The following ATP7A variants were observed in gnomAD, a reference collection of about 807,000 sequenced individuals.
The protein encoded by ATP7A is ATPase copper transporting alpha, also known as copper-transporting ATPase 1.
Under a neutral mutation model 83.5 loss-of-function variants are expected in ATP7A, and 7 were observed. The observed-to-expected ratio is 0.08, with a 90% CI of 0.05 to 0.16. ATP7A has a LOEUF of 0.16. ATP7A is among the 10% of genes least tolerant of loss of function. The pLI, the probability that ATP7A is intolerant of heterozygous loss-of-function variation, is 1.00. For missense variants in ATP7A, 940 were observed against 1,120.8 expected (o/e 0.84, Z 2.30); for synonymous variants, 354 against 395.2 (o/e 0.90, Z 1.24).
At chrX:77,943,110 C>T (rs2077360527) in intron 1 of ATP7A, among the ~76,000 whole-genome samples, 1 of 112,230 alleles carries the variant, frequency 8.9e-6, no homozygotes, top group Non-Finnish European at 1.9e-5. Flanking sequence ...AGTCAATGTG[C>T]CCTGCCTTTC....
At chrX:78,040,478 C>T (rs2078040476) in intron 18 of ATP7A, 113 bp from the exon 19 acceptor site, 1 of 963,686 alleles carries the variant, frequency 1.0e-6, no homozygotes, top group Non-Finnish European at 1.5e-6. Flanking sequence ...TTAAGCCATG[C>T]CCTGAACAAC....
chrX:78,011,304 AT>A (rs782001939), intron 8 of ATP7A, 52 bp downstream of exon 8: 299 of 1,116,215 alleles, frequency 2.7e-4, no homozygotes, highest in Non-Finnish European at 3.1e-4. Flanking sequence ...CTTATTACAA[AT>A]TTTTTTTTGC....
intron 1 of ATP7A, chrX:77,965,494 A>G (rs782340772): frequency 3.3e-6 from 1 of 299,173 alleles, no homozygotes; most frequent in East Asian, 1.1e-4. Context: ...TAGGATGGGT[A>G]GAATAAAAAA....
At chrX:78,028,798 T>C (rs2149104633) in intron 14 of ATP7A, among the ~76,000 whole-genome samples, 1 of 112,741 alleles carries the variant, frequency 8.9e-6, no homozygotes, top group African/African-American at 3.2e-5. Context: ...CATTGTTATG[T>C]CCAAAAGGAT....
chrX:78,013,093 G>T lies in ATP7A; in HGVS notation c.2387G>T (p.Trp796Leu). 8.3e-7 allele frequency: 1 copy of T among 1,206,831 alleles called. No homozygotes were observed. ...MLFVFIALGR[W>L]LEHIAKGKTS... ...TTTGTGTTTATTGCACTAGGCCGAT[G>T]GCTGGAACATATAGCAAAGGTAAAG... is the stretch of plus-strand genomic sequence containing the variant. The change falls in exon 10 of 23, where the codon TGG becomes TTG. Residue 796 changes from tryptophan (W) to leucine (L), a missense_variant. This residue lies in a region of ATP7A where 204 missense variants were observed against 185.8 expected (regional missense o/e 1.10). Transcript: ENST00000341514.
chrX:78,007,855 C>T (rs1298228574), intron 6 of ATP7A, among the ~76,000 whole-genome samples: 1 of 112,038 alleles, frequency 8.9e-6, no homozygotes, highest in East Asian at 2.8e-4. Context: ...TTGATACAGG[C>T]ATGCAATGAG....
At chrX:78,022,957 T>C (rs1412409980) in intron 14 of ATP7A, among the ~76,000 whole-genome samples, 2 of 111,619 alleles carry the variant, frequency 1.8e-5, no homozygotes, top group African/African-American at 6.5e-5. Context: ...TTCTCACCTT[T>C]TGGAGGCCCC....
chrX:78,021,587 T>A (rs932804871), intron 14 of ATP7A, among the ~76,000 whole-genome samples: 1 of 112,025 alleles, frequency 8.9e-6, no homozygotes, highest in Non-Finnish European at 1.9e-5. Flanking sequence ...TGTCTACTCA[T>A]CTAGTTCTCT....
intron 1 of ATP7A, chrX:77,964,535 A>G (rs782548419): frequency 1.8e-5 from 2 of 110,685 alleles, no homozygotes; most frequent in East Asian, 5.7e-4. Flanking sequence ...CATCACCTAC[A>G]TTAGGTATTT....
At chrX:77,956,783 CTTTCT>C (rs1433930798) in intron 1 of ATP7A, among the ~76,000 whole-genome samples, 15 of 94,590 alleles carry the variant, frequency 1.6e-4, no homozygotes, top group African/African-American at 5.8e-4. Context: ...TTCTTTCTTT[CTTTCT>C]CTTTCTTTCT....
intron 1 of ATP7A, among the ~76,000 whole-genome samples, chrX:77,947,951 G>T (rs1370956265): frequency 9.5e-6 from 1 of 105,311 alleles, no homozygotes; most frequent in Non-Finnish European, 1.9e-5. Context: ...ATGTTAGCCA[G>T]GCTGGTTTGG....
At chrX:77,991,220 T>G (rs1229573610) in intron 4 of ATP7A, among the ~76,000 whole-genome samples, 1 of 111,388 alleles carries the variant, frequency 9.0e-6, no homozygotes, top group African/African-American at 3.3e-5. Context: ...TCATTGCCCA[T>G]TTCTCCTTCC....
chrX:78,012,748 T>C, intron 9 of ATP7A, 131 bp from the exon 10 acceptor site: 2 of 571,306 alleles, frequency 3.5e-6, no homozygotes, highest in Non-Finnish European at 5.9e-6. Flanking sequence ...TGTTTTGGCT[T>C]AATCTCCCTT....
At chrX:78,022,471 C>T in intron 14 of ATP7A, among the ~76,000 whole-genome samples, 1 of 102,604 alleles carries the variant, frequency 9.7e-6, no homozygotes, top group Non-Finnish European at 2.0e-5. Context: ...ATTTTTTATT[C>T]AGGAGGTACA....
chrX:77,976,186 A>G (rs1557230269), intron 2 of ATP7A, among the ~76,000 whole-genome samples: 1 of 112,278 alleles, frequency 8.9e-6, no homozygotes, highest in African/African-American at 3.2e-5. Context: ...ATTCAAAATT[A>G]GGGACAAGAT....
At chrX:77,934,373 A>T (rs2077308014) in intron 1 of ATP7A, among the ~76,000 whole-genome samples, 1 of 111,628 alleles carries the variant, frequency 9.0e-6, no homozygotes, top group Admixed American at 9.5e-5. Flanking sequence ...AGCTATGTTA[A>T]CACCACTGTA....
chrX:78,010,781 G>A (rs781944548), intron 7 of ATP7A, among the ~76,000 whole-genome samples: 44 of 108,263 alleles, frequency 4.1e-4, no homozygotes, highest in African/African-American at 1.3e-3. Flanking sequence ...GGGTTTCACC[G>A]TGTTGGCCAT....
intron 6 of ATP7A, among the ~76,000 whole-genome samples, chrX:78,004,753 T>C (rs187919504): frequency 3.6e-3 from 399 of 110,767 alleles, no homozygotes; most frequent in African/African-American, 0.012. Context: ...TGTGGTGGCA[T>C]GCGCCTGTAA....
At chrX:77,944,665 A>G (rs1557225986) in intron 1 of ATP7A, among the ~76,000 whole-genome samples, 1 of 108,357 alleles carries the variant, frequency 9.2e-6, no homozygotes, top group Admixed American at 1.0e-4. Context: ...TTGAATGCCA[A>G]TCCTCTAGTG....
Sources: allele counts gnomAD v4.1 joint callset (sites outside exome capture counted in the v4.1 genomes callset), GRCh38; gene constraint gnomAD v4.1.1; regional missense constraint gnomAD v4.1.1; transcripts MANE v1.5; gene names NCBI Gene and HGNC (gene_info 2026-07-23, HGNC 2026-07-21).